Variants in HIVEP1 observed in about 807,000 individuals in gnomAD.
HIVEP1 encodes HIVEP zinc finger 1.
Under a neutral mutation model 180.0 loss-of-function variants are expected in HIVEP1, and 36 were observed. The ratio of observed to expected loss-of-function variants is 0.20; its 90% CI spans 0.15 to 0.26. The LOEUF (loss-of-function observed/expected upper bound fraction) is 0.26. HIVEP1 is among the 10% of genes least tolerant of loss of function. HIVEP1 has a pLI of 1.00. For synonymous variants in HIVEP1, 1,239 were observed against 1,239.0 expected, an observed-to-expected ratio of 1.00 and a Z score of 0.00; for missense variants, 3,143 against 3,268.7, an observed-to-expected ratio of 0.96 and a Z score of 0.94.
chr6:12,183,536 A>G, the HIVEP1 span, among the ~76,000 whole-genome samples: 5 of 152,226 alleles, frequency 3.3e-5, no homozygotes, highest in Non-Finnish European at 7.3e-5. Context: ...TAACTGAGTT[A>G]ACTAAGTTTT....
At chr6:12,068,493 A>C (rs1315660385) in intron 2 of HIVEP1, among the ~76,000 whole-genome samples, 1 of 152,206 alleles carries the variant, frequency 6.6e-6, no homozygotes, top group Non-Finnish European at 1.5e-5. Context: ...TGTCAGTTAG[A>C]TGATGTTAAA....
intron 2 of HIVEP1, among the ~76,000 whole-genome samples, chr6:12,071,244 A>T (rs1771948856): frequency 6.6e-6 from 1 of 152,114 alleles, no homozygotes; most frequent in Non-Finnish European, 1.5e-5. Flanking sequence ...ATGTGTGTAA[A>T]TTGTGCAAGC....
chr6:12,044,632 C>T (rs1211421056), intron 2 of HIVEP1, among the ~76,000 whole-genome samples: 1 of 151,218 alleles, frequency 6.6e-6, no homozygotes, highest in African/African-American at 2.4e-5. Flanking sequence ...AGCCAGCGCA[C>T]CTGTTTACAG....
the HIVEP1 span, among the ~76,000 whole-genome samples, chr6:12,179,340 C>G: frequency 6.6e-6 from 1 of 151,882 alleles, no homozygotes; most frequent in Non-Finnish European, 1.5e-5. Context: ...CTGTTCCTCA[C>G]CTCCTATCAT....
rs377165151 is a variant in HIVEP1, at chr6:12,126,856, G to C, written c.6075+986G>C. Among the ~76,000 whole-genome samples the C allele has an allele frequency of 2.6e-5, 4 of 151,878 alleles. No individual in the cohort carries two copies. The East Asian group carries it at 5.8e-4, about 22-fold the overall frequency. ...AAAAAATAGGGATTTTTCAGGCAAA[G>C]AAGAAGCAGCTTTTTTTTTCGAGAC... On this transcript the variant is annotated intron_variant, in intron 4 of 8. Coordinates refer to ENST00000379388, the MANE Select transcript of HIVEP1 (RefSeq NM_002114.4).
intron 3 of HIVEP1, among the ~76,000 whole-genome samples, chr6:12,102,659 A>G (rs574954624): frequency 6.6e-5 from 10 of 152,368 alleles, no homozygotes; most frequent in Admixed American, 5.9e-4. Flanking sequence ...TCTTTGAAAC[A>G]AAAATACAGC....
Position 12,086,081 on chromosome 6 carries a change from A to G in HIVEP1, c.41-3103A>G, listed in dbSNP as rs143727224. Among the ~76,000 whole-genome samples the G allele has an allele frequency of 9.3e-4, 142 of 152,230 alleles. 1 individual carries two copies. Among genetic ancestry groups the G allele is most frequent in the Non-Finnish European group, 1.6e-3 (107 of 68,000 alleles). ...TTTATCATTAACAGTTTCTGTGTAT[A>G]CATTTTTAATAGTATACATTTTTAA... On this transcript the variant is annotated intron_variant, in intron 2 of 8. Coordinates refer to ENST00000379388, the MANE Select transcript of HIVEP1 (RefSeq NM_002114.4).
rs1757824384 is a variant in HIVEP1 at position 12,123,376 on chromosome 6, A to T, written c.3581A>T (p.His1194Leu). 1 of 1,614,098 alleles carries T rather than the reference A, an allele frequency of 6.2e-7. No homozygotes were observed. Among genetic ancestry groups the T allele is most frequent in the African/African-American group, 1.3e-5 (1 of 74,928 alleles). The change falls in exon 4 of 9, where the codon CAC (histidine) becomes CTC (leucine). Residue 1194 changes from histidine to leucine, a missense_variant. Transcript: ENST00000379388. ...SHPSRDGSHP[H>L]QLALSDALRG... Reference sequence around the variant, plus strand: ...CCTTCTCGGGACGGGTCTCATCCTCACCAGCTTGCACTATCAGACGCTCTC... The same window carrying T: ...CCTTCTCGGGACGGGTCTCATCCTCTCCAGCTTGCACTATCAGACGCTCTC...
chr6:12,109,153 A>T (rs1442479689), intron 3 of HIVEP1, among the ~76,000 whole-genome samples: 2 of 120,116 alleles, frequency 1.7e-5, no homozygotes, highest in East Asian at 4.7e-4. Flanking sequence ...CTAATTTTTT[A>T]AATTTTTTTA....
intron 2 of HIVEP1, among the ~76,000 whole-genome samples, chr6:12,021,325 C>T (rs1460539953): frequency 2.4e-4 from 36 of 152,210 alleles, no homozygotes; most frequent in Admixed American, 2.4e-3. Flanking sequence ...ATTTCAGGAG[C>T]TCAGCATGCA....
upstream of HIVEP1, among the ~76,000 whole-genome samples, chr6:12,011,477 T>A (rs1440205529): frequency 2.0e-5 from 3 of 149,950 alleles, no homozygotes; most frequent in African/African-American, 7.3e-5. Flanking sequence ...CGGGGCCGCG[T>A]GACTGGCCGG....
At chr6:12,043,876 C>T (rs150889611) in intron 2 of HIVEP1, among the ~76,000 whole-genome samples, 5 of 152,194 alleles carry the variant, frequency 3.3e-5, no homozygotes, top group African/African-American at 1.2e-4. Flanking sequence ...TGTCTCTGTC[C>T]TCTGATGCCA....
chr6:12,108,963 CTTTTTATTTTTTA>C (rs1481128670), intron 3 of HIVEP1, among the ~76,000 whole-genome samples: 5 of 152,232 alleles, frequency 3.3e-5, no homozygotes, highest in South Asian at 2.1e-4. Context: ...ATTGCCATTT[CTTTTTATTTTTTA>C]TTTTTATTTT....
At chr6:12,107,788 C>G (rs1774541770) in intron 3 of HIVEP1, among the ~76,000 whole-genome samples, 1 of 152,194 alleles carries the variant, frequency 6.6e-6, no homozygotes, top group African/African-American at 2.4e-5. Flanking sequence ...CCACTGCTGG[C>G]TCGGGCAGCC....
chr6:12,028,957 G>A (rs1271904063), intron 2 of HIVEP1, among the ~76,000 whole-genome samples: 2 of 152,166 alleles, frequency 1.3e-5, no homozygotes, highest in East Asian at 3.8e-4. Context: ...GAATCATACA[G>A]TATATAGTTT....
chr6:12,046,063 C>T (rs1770096493), intron 2 of HIVEP1, among the ~76,000 whole-genome samples: 1 of 152,152 alleles, frequency 6.6e-6, no homozygotes, highest in Admixed American at 6.5e-5. Context: ...AAATCACCCA[C>T]AATTCACTGG....
chr6:12,204,322 G>C, the HIVEP1 span, among the ~76,000 whole-genome samples: 1 of 44,042 alleles, frequency 2.3e-5, no homozygotes, highest in Non-Finnish European at 5.2e-5. Flanking sequence ...CCAGCACCAC[G>C]GCACCCTGCA....
At chr6:12,142,661 G>A (rs556604455) in intron 7 of HIVEP1, among the ~76,000 whole-genome samples, 1 of 152,222 alleles carries the variant, frequency 6.6e-6, no homozygotes, top group South Asian at 2.1e-4. Flanking sequence ...GAAGAAAAGA[G>A]AGAAGAATCA....
downstream of HIVEP1, among the ~76,000 whole-genome samples, chr6:12,168,458 A>T (rs1311555935): frequency 2.0e-5 from 3 of 147,860 alleles, no homozygotes; most frequent in Admixed American, 7.1e-5. Context: ...TGGGGAAAAA[A>T]AGGAGAAAAG....
Sources: allele counts gnomAD v4.1 joint callset (sites outside exome capture counted in the v4.1 genomes callset), GRCh38; gene constraint gnomAD v4.1.1; transcripts MANE v1.5; gene names NCBI Gene and HGNC (gene_info 2026-07-23, HGNC 2026-07-21).